CDK17: variants seen among roughly 807,000 people sequenced by gnomAD.
CDK17 encodes the protein cyclin-dependent kinase 17.
In CDK17, 24 loss-of-function variants were observed where a neutral mutation model predicts 77.6. That is an observed-to-expected ratio of 0.31 (90% CI 0.22 to 0.44). CDK17 has a LOEUF of 0.44. Ranked by LOEUF, CDK17 falls within the 20% of genes least tolerant of loss-of-function variation. CDK17 has a pLI of 1.00. For synonymous variants in CDK17, 203 were observed against 210.4 expected, an observed-to-expected ratio of 0.96 and a Z score of 0.30; for missense variants, 429 against 622.5, an observed-to-expected ratio of 0.69 and a Z score of 3.31.
At position 96,308,089 on chromosome 12, in the gene CDK17, T is replaced by C. The variant is rs946718332; in HGVS notation, c.543+2963A>G. On this transcript the variant is annotated intron_variant, in intron 5 of 16. Coordinates refer to ENST00000261211, the MANE Select transcript of CDK17 (RefSeq NM_002595.5). Reference sequence around the variant, plus strand: ...TATTTTGTAGACTATCTAACTAGAATATCTAATCTGGCCCACAGGGGCCAG... The same window carrying C: ...TATTTTGTAGACTATCTAACTAGAACATCTAATCTGGCCCACAGGGGCCAG... 6.6e-5 allele frequency among the ~76,000 whole-genome samples: 10 copies of C among 152,048 alleles called. No individual in the cohort carries two copies. In the South Asian group the frequency reaches 8.3e-4, roughly 13 times the overall value.
At chr12:96,334,533 G>A (rs548094894) in intron 2 of CDK17, among the ~76,000 whole-genome samples, 186 bp downstream of exon 2, 2 of 152,316 alleles carry the variant, frequency 1.3e-5, no homozygotes, top group East Asian at 3.9e-4. Flanking sequence ...ATGTTGGAGT[G>A]AGAGGGAAAT....
At chr12:96,335,898 C>T (rs1207035824) in intron 1 of CDK17, among the ~76,000 whole-genome samples, 1 of 152,018 alleles carries the variant, frequency 6.6e-6, no homozygotes, top group Non-Finnish European at 1.5e-5. Flanking sequence ...AACCATTATC[C>T]CAACCAACCA....
chr12:96,280,836 AC>A lies in CDK17; in HGVS notation c.1505del (p.Gly502ValfsTer44). On this transcript the variant is annotated frameshift_variant, in exon 16 of 17. Coordinates refer to ENST00000261211, the MANE Select transcript of CDK17 (RefSeq NM_002595.5). LOFTEE classifies it high-confidence loss of function. ...LKEIQLQKDPGFRNSSYPETG... is the reference protein window; with the variant it reads ...LKEIQLQKDPXFRNSSYPETG... ...TCTCTGGATAAGAAGAATTTCGAAA[AC>A]CCGGGTCCTTTTGCAACTGAATCTC... The A allele has an allele frequency of 6.2e-7, 1 of 1,613,952 alleles. No homozygotes were observed. The highest frequency in any genetic ancestry group is 8.5e-7 in the Non-Finnish European group (1 of 1,179,946).
intron 1 of CDK17, among the ~76,000 whole-genome samples, chr12:96,344,294 T>C (rs1036112289): frequency 6.6e-6 from 1 of 152,090 alleles, no homozygotes; most frequent in Non-Finnish European, 1.5e-5. Context: ...GAAATAACGG[T>C]GAAAAGCTTC....
intron 10 of CDK17, among the ~76,000 whole-genome samples, chr12:96,292,110 T>C (rs1328249350): frequency 6.6e-6 from 1 of 152,134 alleles, no homozygotes; most frequent in East Asian, 1.9e-4. Flanking sequence ...AGCATATAAT[T>C]TGTTATTCAA....
At chr12:96,374,776 G>C (rs1219632968) in intron 1 of CDK17, among the ~76,000 whole-genome samples, 3 of 152,166 alleles carry the variant, frequency 2.0e-5, no homozygotes, top group African/African-American at 4.8e-5. Flanking sequence ...AAGCAAGTGA[G>C]GTCATGAGAA....
intron 1 of CDK17, among the ~76,000 whole-genome samples, chr12:96,368,812 G>GC (rs1565838929): frequency 1.5e-4 from 2 of 13,618 alleles, no homozygotes; most frequent in Admixed American, 1.0e-3. Context: ...AAGACGGGGG[G>GC]GGGGGGGGGG....
chr12:96,300,275 T>C (rs1422632933), intron 6 of CDK17, 29 bp downstream of exon 6: 3 of 1,472,728 alleles, frequency 2.0e-6, no homozygotes, highest in Non-Finnish European at 2.8e-6. Flanking sequence ...GAAAAAAATG[T>C]GTCTTACATT....
At chr12:96,313,862 T>A (rs1401103396) in intron 3 of CDK17, among the ~76,000 whole-genome samples, 2 of 152,218 alleles carry the variant, frequency 1.3e-5, no homozygotes, top group Non-Finnish European at 2.9e-5. Context: ...GCCTCTTATT[T>A]AGTATTCTTT....
At chr12:96,355,409 T>G (rs1036001550) in intron 1 of CDK17, among the ~76,000 whole-genome samples, 4 of 143,592 alleles carry the variant, frequency 2.8e-5, no homozygotes, top group Admixed American at 7.0e-5. Context: ...TTTTTTTTTT[T>G]TTTTTTTTTT....
At chr12:96,374,191 T>C (rs902724818) in intron 1 of CDK17, among the ~76,000 whole-genome samples, 1 of 152,192 alleles carries the variant, frequency 6.6e-6, no homozygotes, top group Admixed American at 6.5e-5. Flanking sequence ...GGCAGCCAAA[T>C]TGGTAAAATT....
chr12:96,306,068 A>G (rs1319691093), intron 5 of CDK17, among the ~76,000 whole-genome samples: 1 of 152,096 alleles, frequency 6.6e-6, no homozygotes, highest in Non-Finnish European at 1.5e-5. Context: ...TGCTTACAGT[A>G]AGAGAGGAAG....
intron 1 of CDK17, among the ~76,000 whole-genome samples, chr12:96,397,031 A>G (rs1954181183): frequency 6.6e-6 from 1 of 152,222 alleles, no homozygotes; most frequent in African/African-American, 2.4e-5. Flanking sequence ...CCCAGTTGCC[A>G]TTACAGCTTC....
rs1952207312 is a variant in CDK17 at position 96,283,628 on chromosome 12, A to G, written c.1340T>C (p.Ile447Thr). 6.2e-7 allele frequency: 1 copy of G among 1,600,534 alleles called. No homozygotes were observed. The highest frequency in any genetic ancestry group is 1.3e-5 in the African/African-American group (1 of 74,766). The change falls in exon 14 of 17, where the codon ATT becomes ACT. Residue 447 changes from isoleucine (I) to threonine (T), a missense_variant. Transcript: ENST00000261211. ...NHAPRLDSEGIELITKFLQYE... is the reference protein window; with the variant it reads ...NHAPRLDSEGTELITKFLQYE... ...CTGAAGAAATTTTGTTATCAACTCA[A>G]TTCCTTCAGAGTCTAACCTAGAAAC...
chr12:96,382,008 C>A (rs1027593751), intron 1 of CDK17, among the ~76,000 whole-genome samples: 3 of 151,812 alleles, frequency 2.0e-5, no homozygotes, highest in African/African-American at 7.3e-5. Flanking sequence ...ACAGATGTGG[C>A]ACATTATTCG....
At chr12:96,363,537 A>T (rs1268650421) in intron 1 of CDK17, among the ~76,000 whole-genome samples, 2 of 150,588 alleles carry the variant, frequency 1.3e-5, no homozygotes, top group African/African-American at 4.9e-5. Context: ...TTTTCAAGAG[A>T]TTGTGACTTT....
Position 96,280,905 on chromosome 12 carries a change from A to T in CDK17, c.1457-20T>A. 1 of 1,596,548 alleles carries T rather than the reference A, an allele frequency of 6.3e-7. No individual in the cohort carries two copies. Among genetic ancestry groups the T allele is most frequent in the Non-Finnish European group, 8.6e-7 (1 of 1,167,216 alleles). ...ATACACCTAAAATGCATAGACAAAAATTATTAGGTGAAGGTCTAACATTAA... is the reference window on the plus strand; with the variant it reads ...ATACACCTAAAATGCATAGACAAAATTTATTAGGTGAAGGTCTAACATTAA... On this transcript the variant is annotated intron_variant, in intron 15 of 16. Transcript: ENST00000261211.
Position 96,400,379 on chromosome 12 carries a change from T to A in CDK17, c.-423A>T, listed in dbSNP as rs1425547372. The A allele has an allele frequency of 2.6e-6, 1 of 385,210 alleles. No homozygotes were observed. Among genetic ancestry groups the A allele is most frequent in the Non-Finnish European group, 4.6e-6 (1 of 217,878 alleles). 23.9% of individuals were successfully genotyped at this position (385,210 alleles called of 1,614,324 possible). ...GCGGCCCGCGGGGAGCTCAGGAGAC[T>A]GCGGGCGGCCGCGTTCGCTCCTTGC... On this transcript the variant is annotated 5_prime_UTR_variant, in exon 1 of 17. Coordinates refer to ENST00000261211, the MANE Select transcript of CDK17 (RefSeq NM_002595.5).
intron 5 of CDK17, among the ~76,000 whole-genome samples, chr12:96,304,156 G>A (rs1481050372): frequency 6.6e-6 from 1 of 152,122 alleles, no homozygotes; most frequent in African/African-American, 2.4e-5. Context: ...AACTGAAATT[G>A]TGGAAAATGA....
Sources: gnomAD v4.1 joint callset for allele counts (sites outside exome capture counted in the v4.1 genomes callset) on GRCh38, gnomAD v4.1.1 for gene constraint, MANE v1.5 for transcripts, NCBI Gene and HGNC (gene_info 2026-07-23, HGNC 2026-07-21) for gene names.